Variants in PIAS1 observed in about 807,000 individuals in gnomAD.
PIAS1 encodes protein inhibitor of activated STAT 1, also known as E3 SUMO-protein ligase PIAS1.
A neutral mutation model predicts 71.3 loss-of-function variants in PIAS1; 6 were observed. That is an observed-to-expected ratio of 0.08 (90% CI 0.05 to 0.17). The LOEUF is 0.17. Ranked by LOEUF, PIAS1 falls within the 10% of genes least tolerant of loss-of-function variation. The probability of loss-of-function intolerance (pLI) is 1.00; values close to 1 mark genes in which losing one functional copy is unlikely to be tolerated. For missense variants in PIAS1, 555 were observed against 793.6 expected, an observed-to-expected ratio of 0.70 and a Z score of 3.61; for synonymous variants, 303 against 292.9, an observed-to-expected ratio of 1.03 and a Z score of -0.35.
intron 12 of PIAS1, among the ~76,000 whole-genome samples, chr15:68,182,840 C>T (rs979392624): frequency 1.3e-5 from 2 of 152,130 alleles, no homozygotes; most frequent in Non-Finnish European, 2.9e-5. Flanking sequence ...GTGTTGTAAT[C>T]GGTTATAATG....
At chr15:68,064,048 A>G (rs2091989740) in intron 1 of PIAS1, among the ~76,000 whole-genome samples, 1 of 152,240 alleles carries the variant, frequency 6.6e-6, no homozygotes, top group Admixed American at 6.5e-5. Context: ...AAACACTTTT[A>G]TTGAATATCA....
At chr15:68,057,252 A>G (rs2091906188) in intron 1 of PIAS1, among the ~76,000 whole-genome samples, 1 of 152,194 alleles carries the variant, frequency 6.6e-6, no homozygotes, top group African/African-American at 2.4e-5. Flanking sequence ...TGTTTATGAA[A>G]GGTTTAATTT....
chr15:68,164,709 C>G, intron 7 of PIAS1, 22 bp from the exon 8 acceptor site: 1 of 1,437,892 alleles, frequency 7.0e-7, no homozygotes, highest in East Asian at 2.3e-5. Context: ...TGCTTTTTTT[C>G]TTCTTCTTCA....
chr15:68,148,534 T>G (rs933129410), intron 6 of PIAS1, among the ~76,000 whole-genome samples: 5 of 152,110 alleles, frequency 3.3e-5, no homozygotes, highest in African/African-American at 1.2e-4. Context: ...GTTCAAGCGA[T>G]TCTCCTGCCA....
chr15:68,063,959 A>G (rs888631225), intron 1 of PIAS1, among the ~76,000 whole-genome samples: 3 of 152,198 alleles, frequency 2.0e-5, no homozygotes, highest in Admixed American at 1.3e-4. Context: ...AAGCAATAAA[A>G]CTTACTAATT....
intron 2 of PIAS1, among the ~76,000 whole-genome samples, chr15:68,124,009 T>G (rs1205291576): frequency 1.3e-5 from 2 of 152,142 alleles, no homozygotes; most frequent in Admixed American, 6.5e-5. Context: ...TATACATATA[T>G]GTACACATAC....
intron 6 of PIAS1, among the ~76,000 whole-genome samples, chr15:68,152,139 C>T (rs1472826244): frequency 1.3e-5 from 2 of 151,208 alleles, no homozygotes; most frequent in Non-Finnish European, 3.0e-5. Context: ...TTAGTAGAGA[C>T]GGGGTTTTAC....
At chr15:68,155,378 A>G (rs1254296332) in intron 7 of PIAS1, among the ~76,000 whole-genome samples, 9 of 150,078 alleles carry the variant, frequency 6.0e-5, no homozygotes. Context: ...ATTAATTTGG[A>G]TCCCACCAGT....
In PIAS1 at chr15:68,173,919, C is replaced by T; in HGVS notation, c.1169+27C>T. The T allele has an allele frequency of 7.2e-7, 1 of 1,398,176 alleles. No individual in the cohort carries two copies. The highest frequency in any genetic ancestry group is 9.5e-7 in the Non-Finnish European group (1 of 1,047,210). The allele number at this position is 1,398,176 out of a possible 1,614,324, so 86.6% of individuals were successfully genotyped here. A position where few individuals can be genotyped will look rare whatever the true frequency, so the allele number is the denominator to read the frequency against. On this transcript the variant is annotated intron_variant, in intron 9 of 13. Coordinates refer to ENST00000249636, the MANE Select transcript of PIAS1 (RefSeq NM_016166.3). This position sits in a 1 kb window ranked among gnomAD's most constrained non-coding sequence, Gnocchi z 4.3. ...TATGTTACTTTAAGTGTTTTTGGTACCTTGAAATGACCATATATTATCTGG... is the reference window on the plus strand; with the variant it reads ...TATGTTACTTTAAGTGTTTTTGGTATCTTGAAATGACCATATATTATCTGG...
Position 68,164,774 on chromosome 15 carries a change from A to C in PIAS1, c.978A>C (p.Thr326=). Reference sequence around the variant, plus strand: ...CGGATCCAGACAGTGAAATAGCTACAACCAGCCTAAGGGTTTCTCTACTAT... The same window carrying C: ...CGGATCCAGACAGTGAAATAGCTACCACCAGCCTAAGGGTTTCTCTACTAT... ...LTADPDSEIA[T]TSLRVSLLCP... Residue 326 remains threonine (T), a synonymous_variant, in exon 8 of 14, where the codon ACA becomes ACC. Transcript: ENST00000249636. The C allele has an allele frequency of 6.3e-7, 1 of 1,599,166 alleles. No homozygotes were observed. Among genetic ancestry groups the C allele is most frequent in the South Asian group, 1.1e-5 (1 of 89,108 alleles).
Position 68,188,086 on chromosome 15 carries a change from GAAAAA to G in PIAS1, c.*253_*257del, listed in dbSNP as rs1188603304. ...GTTTAAAAAAAAAAAGGAAAGAAAA[GAAAAA>G]AGAAAAACAAGCACCCACAAACCAC... On this transcript the variant is annotated 3_prime_UTR_variant, in exon 14 of 14. Transcript: ENST00000249636. 7.2e-6 allele frequency: 2 copies of G among 276,816 alleles called. No individual in the cohort carries two copies. The highest frequency in any genetic ancestry group is 1.3e-5 in the Non-Finnish European group (2 of 148,976). 17.1% of individuals were successfully genotyped at this position (276,816 alleles called of 1,614,324 possible). A position where few individuals can be genotyped will look rare whatever the true frequency, so the allele number is the denominator to read the frequency against.
intron 2 of PIAS1, among the ~76,000 whole-genome samples, chr15:68,106,249 G>A (rs1436913972): frequency 2.0e-5 from 3 of 146,634 alleles, no homozygotes; most frequent in South Asian, 4.4e-4. Flanking sequence ...ATGAGAATAT[G>A]TATATTGGAG....
rs927860055 is a variant in PIAS1, at chr15:68,186,298, ATGTGT to A, written c.1663-1238_1663-1234del. Among the ~76,000 whole-genome samples the A allele has an allele frequency of 7.9e-5, 12 of 152,284 alleles. No homozygotes were observed. Among genetic ancestry groups the A allele is most frequent in the African/African-American group, 2.2e-4 (9 of 41,556 alleles). ...GACCTCCCTGTGTAGGCCTAGGCTA[ATGTGT>A]TGTGTGTGTCATTTTTAACAAAAAA... is the stretch of plus-strand genomic sequence containing the variant. On this transcript the variant is annotated intron_variant, in intron 13 of 13. Coordinates refer to ENST00000249636, the MANE Select transcript of PIAS1 (RefSeq NM_016166.3). The surrounding 1 kb of genome is among the most constrained non-coding windows in gnomAD (Gnocchi z 4.4).
intron 2 of PIAS1, among the ~76,000 whole-genome samples, chr15:68,126,963 C>G (rs1378801549): frequency 6.6e-6 from 1 of 151,674 alleles, no homozygotes; most frequent in Non-Finnish European, 1.5e-5. Context: ...GAGATGAAAT[C>G]TTGCTCTGTC....
At chr15:68,130,787 T>C (rs998292871) in intron 2 of PIAS1, among the ~76,000 whole-genome samples, 9 of 152,056 alleles carry the variant, frequency 5.9e-5, no homozygotes, top group Non-Finnish European at 1.0e-4. Context: ...TAAATTAGGC[T>C]AAGTCTACTG....
intron 1 of PIAS1, among the ~76,000 whole-genome samples, chr15:68,075,469 A>C (rs745602313): frequency 2.0e-5 from 3 of 152,100 alleles, no homozygotes; most frequent in Non-Finnish European, 2.9e-5. Context: ...TTTTAATCAT[A>C]ATAATCTGTT....
In PIAS1 at chr15:68,174,676, C is replaced by T. The variant is rs1191902789; in HGVS notation, c.1169+784C>T. ...TGTGAGCCACCACACCCAGCCTCTA[C>T]TTAATATTTCCTGTACTTTCTAGCA... On this transcript the variant is annotated intron_variant, in intron 9 of 13. Coordinates refer to ENST00000249636, the MANE Select transcript of PIAS1 (RefSeq NM_016166.3). The surrounding 1 kb of genome is among the most constrained non-coding windows in gnomAD (Gnocchi z 4.0). 2.0e-5 allele frequency among the ~76,000 whole-genome samples: 3 copies of T among 152,116 alleles called. No homozygotes were observed. The highest frequency in any genetic ancestry group is 4.4e-5 in the Non-Finnish European group (3 of 68,010).
chr15:68,152,527 T>C (rs1199538973), intron 6 of PIAS1, among the ~76,000 whole-genome samples: 1 of 152,214 alleles, frequency 6.6e-6, no homozygotes, highest in African/African-American at 2.4e-5. Context: ...TGCCTAATCA[T>C]GAGCAGATTG....
intron 2 of PIAS1, among the ~76,000 whole-genome samples, chr15:68,128,342 C>A (rs1595748197): frequency 6.6e-6 from 1 of 152,012 alleles, no homozygotes; most frequent in African/African-American, 2.4e-5. Context: ...AATTTTTGTA[C>A]TTTTAGTAGG....
Sources: gnomAD v4.1 joint callset for allele counts (sites outside exome capture counted in the v4.1 genomes callset) on GRCh38, gnomAD v4.1.1 for gene constraint, Gnocchi (gnomAD v3.1) non-coding constraint, MANE v1.5 for transcripts, NCBI Gene and HGNC (gene_info 2026-07-23, HGNC 2026-07-21) for gene names.